PTPRD: variants seen among roughly 807,000 people sequenced by gnomAD.
The protein encoded by PTPRD is receptor-type tyrosine-protein phosphatase delta.
Under a neutral mutation model 214.5 loss-of-function variants are expected in PTPRD, and 34 were observed. The observed-to-expected ratio is 0.16, with a 90% CI of 0.12 to 0.21. The LOEUF is 0.21. PTPRD is among the 10% of genes least tolerant of loss of function. The pLI, the probability that PTPRD is intolerant of heterozygous loss-of-function variation, is 1.00. For missense variants in PTPRD, 2,545 were observed against 2,398.7 expected, an observed-to-expected ratio of 1.06 and a Z score of -1.27; for synonymous variants, 1,128 against 845.7, an observed-to-expected ratio of 1.33 and a Z score of -5.79.
chr9:10,085,253 C>A lies in PTPRD; in HGVS notation c.-544-51463G>T, dbSNP rs148701308. 5.1e-3 allele frequency among the ~76,000 whole-genome samples: 772 copies of A among 151,810 alleles called. 2 individuals carry two copies. The highest frequency in any genetic ancestry group is 6.2e-3 in the Non-Finnish European group (422 of 67,880). On this transcript the variant is annotated intron_variant, in intron 3 of 45. Coordinates refer to ENST00000381196, the MANE Select transcript of PTPRD (RefSeq NM_002839.4). ...CAACACGCCTTCTCAACTGACGTGG[C>A]GAGAATTTTTTAAAAAACTACATCA...
chr9:8,763,203 A>AT (rs896617656), intron 11 of PTPRD, among the ~76,000 whole-genome samples: 1 of 152,172 alleles, frequency 6.6e-6, no homozygotes, highest in African/African-American at 2.4e-5. Flanking sequence ...AGAGCAGACT[A>AT]TAAGACTCCA....
intron 10 of PTPRD, among the ~76,000 whole-genome samples, chr9:9,121,431 C>T (rs2099817498): frequency 6.6e-6 from 1 of 151,406 alleles, no homozygotes; most frequent in Non-Finnish European, 1.5e-5. Flanking sequence ...TCCAAATGCC[C>T]ATCAATCAAC....
At chr9:9,791,695 T>A (rs1395363426) in intron 5 of PTPRD, among the ~76,000 whole-genome samples, 1 of 152,280 alleles carries the variant, frequency 6.6e-6, no homozygotes, top group East Asian at 1.9e-4. Context: ...CAAGCTATCA[T>A]TTAGATCTTA....
At chr9:10,118,899 T>TAAATA (rs369774094) in intron 3 of PTPRD, among the ~76,000 whole-genome samples, 4,956 of 144,770 alleles carry the variant, frequency 0.034, 143 homozygotes, top group Admixed American at 0.086. Flanking sequence ...AATAAATAAA[T>TAAATA]AATAATAAAG....
chr9:9,906,993 G>T (rs2077745234), intron 5 of PTPRD, among the ~76,000 whole-genome samples: 1 of 151,860 alleles, frequency 6.6e-6, no homozygotes, highest in African/African-American at 2.4e-5. Context: ...GATGAACACA[G>T]CAGACTTTAG....
chr9:8,556,119 A>T (rs2083675862), intron 14 of PTPRD, among the ~76,000 whole-genome samples: 1 of 152,174 alleles, frequency 6.6e-6, no homozygotes, highest in Admixed American at 6.5e-5. Flanking sequence ...CCTGCTTAAG[A>T]CTTCTGTCAT....
At chr9:8,598,312 T>G (rs1013470262) in intron 14 of PTPRD, among the ~76,000 whole-genome samples, 2 of 151,906 alleles carry the variant, frequency 1.3e-5, no homozygotes, top group Non-Finnish European at 2.9e-5. Flanking sequence ...ATTAGCCCAG[T>G]ATGGTGGCAT....
chr9:10,233,632 C>T (rs998807423), intron 3 of PTPRD, among the ~76,000 whole-genome samples: 2 of 151,920 alleles, frequency 1.3e-5, no homozygotes, highest in African/African-American at 4.8e-5. Flanking sequence ...TGCAATCATG[C>T]TACTTGTAAA....
intron 7 of PTPRD, among the ~76,000 whole-genome samples, chr9:9,646,999 T>G (rs1027492996): frequency 9.9e-5 from 15 of 152,134 alleles, no homozygotes; most frequent in African/African-American, 3.6e-4. Context: ...TTGTGGACAT[T>G]TATACACTGG....
chr9:8,452,831 G>A (rs189555969), intron 33 of PTPRD, among the ~76,000 whole-genome samples: 4 of 152,006 alleles, frequency 2.6e-5, no homozygotes, highest in South Asian at 4.1e-4. Flanking sequence ...GCTCTCATCT[G>A]GGGGGAAGAA....
intron 2 of PTPRD, among the ~76,000 whole-genome samples, chr9:10,425,085 T>G (rs1000792056): frequency 4.6e-5 from 7 of 152,018 alleles, no homozygotes; most frequent in Admixed American, 1.3e-4. Flanking sequence ...CAGAACAATA[T>G]AAAAAGAAAC....
intron 11 of PTPRD, among the ~76,000 whole-genome samples, chr9:8,841,086 G>A (rs960755263): frequency 6.6e-6 from 1 of 152,106 alleles, no homozygotes; most frequent in Non-Finnish European, 1.5e-5. Context: ...AATCTTTCTG[G>A]GGTAAAATGT....
chr9:9,383,196 C>T (rs1287224698), intron 9 of PTPRD, among the ~76,000 whole-genome samples: 1 of 151,916 alleles, frequency 6.6e-6, no homozygotes. Flanking sequence ...ACTTTCATAT[C>T]ATTTCCAGAG....
chr9:9,429,116 T>C (rs1348730400), intron 8 of PTPRD, among the ~76,000 whole-genome samples: 2 of 152,126 alleles, frequency 1.3e-5, no homozygotes, highest in African/African-American at 4.8e-5. Flanking sequence ...ATCCAGGAAC[T>C]GGTTTTTTGA....
chr9:9,499,779 C>G (rs763708924), intron 8 of PTPRD, among the ~76,000 whole-genome samples: 38 of 152,048 alleles, frequency 2.5e-4, no homozygotes, highest in Non-Finnish European at 4.6e-4. Flanking sequence ...ACAGAACTCT[C>G]CCAACCAAAA....
At chr9:9,347,586 G>C (rs1358696779) in intron 9 of PTPRD, among the ~76,000 whole-genome samples, 1 of 151,944 alleles carries the variant, frequency 6.6e-6, no homozygotes, top group Admixed American at 6.6e-5. Flanking sequence ...ACACAGAGTG[G>C]CAAGGGAAAA....
chr9:8,696,184 CAG>C (rs1023429982), intron 12 of PTPRD, among the ~76,000 whole-genome samples: 1 of 152,162 alleles, frequency 6.6e-6, no homozygotes, highest in African/African-American at 2.4e-5. Flanking sequence ...CACAACACAA[CAG>C]AGAGAAGAGG....
At chr9:9,413,674 G>A (rs189640594) in intron 8 of PTPRD, among the ~76,000 whole-genome samples, 1 of 152,102 alleles carries the variant, frequency 6.6e-6, no homozygotes, top group Non-Finnish European at 1.5e-5. Context: ...TCTTGGTTCT[G>A]TCCTTTTTAA....
rs575133257 is a variant in PTPRD at position 9,416,153 on chromosome 9, C to T, written c.-236-18671G>A. 3.5e-3 allele frequency among the ~76,000 whole-genome samples: 526 copies of T among 152,296 alleles called. 2 individuals carry two copies. Among genetic ancestry groups the T allele is most frequent in the Middle Eastern group, 6.8e-3 (2 of 292 alleles). ...CTGTCCTACTTCCAGCTTCCATCCT[C>T]TCATTTCTAGATGGCTGAATCAACT... On this transcript the variant is annotated intron_variant, in intron 8 of 45. Transcript: ENST00000381196.
Sources: gnomAD v4.1 joint callset for allele counts (sites outside exome capture counted in the v4.1 genomes callset) on GRCh38, gnomAD v4.1.1 for gene constraint, MANE v1.5 for transcripts, NCBI Gene and HGNC (gene_info 2026-07-23, HGNC 2026-07-21) for gene names.